ECSCR: variants seen among roughly 807,000 people sequenced by gnomAD.
The protein encoded by ECSCR is endothelial cell-specific chemotaxis regulator.
Under a neutral mutation model 16.7 loss-of-function variants are expected in ECSCR, and 12 were observed. The ratio of observed to expected loss-of-function variants is 0.72; its 90% confidence interval spans 0.46 to 1.17. ECSCR has a LOEUF of 1.17. Among genes scored for constraint, ECSCR ranks in the 50% most tolerant of loss-of-function variants. The pLI, the probability that ECSCR is intolerant of heterozygous loss-of-function variation, is 0.00. For synonymous variants in ECSCR, 44 were observed against 42.2 expected, an observed-to-expected ratio of 1.04 and a Z score of -0.17; for missense variants, 122 against 116.1, an observed-to-expected ratio of 1.05 and a Z score of -0.23.
Position 139,462,688 on chromosome 5 carries a change from C to G in ECSCR, c.-18G>C. ...GTGCCCATGTCAGCTGGGTATGTGG[C>G]GGGCAGGCAGCAGCTCAGTGGAGGC... On this transcript the variant is annotated 5_prime_UTR_variant, in exon 1 of 10. Coordinates refer to ENST00000618155, the MANE Select transcript of ECSCR (RefSeq NM_001077693.4). The G allele has an allele frequency of 7.5e-7, 1 of 1,327,534 alleles. No individual in the cohort carries two copies. The highest frequency in any genetic ancestry group is 5.1e-5 in the East Asian group (1 of 19,684). 82.2% of individuals were successfully genotyped at this position (1,327,534 alleles called of 1,614,324 possible).
intron 1 of ECSCR, 132 bp from the exon 2 acceptor site, chr5:139,458,315 GTTTTGTTTTGTT>G: frequency 1.4e-6 from 1 of 712,828 alleles, no homozygotes; most frequent in South Asian, 2.1e-5. Context: ...AAAAAATTTT[GTTTTGTTTTGTT>G]TTTTTTTTTT....
chr5:139,456,615 C>T, intron 4 of ECSCR, 97 bp from the exon 5 acceptor site: 2 of 397,186 alleles, frequency 5.0e-6, no homozygotes, highest in Non-Finnish European at 8.9e-6. Context: ...CCTGAGAGGA[C>T]TCTAGCTCTT....
chr5:139,456,915 T>C (rs1751170151), intron 4 of ECSCR, among the ~76,000 whole-genome samples: 1 of 152,220 alleles, frequency 6.6e-6, no homozygotes, highest in Non-Finnish European at 1.5e-5. Flanking sequence ...CAACAAGTCC[T>C]GATGTGTACA....
In ECSCR at chr5:139,450,478, TAAA is replaced by T. The variant is rs377766547; in HGVS notation, c.513-1307_513-1305del. 3.9e-3 allele frequency among the ~76,000 whole-genome samples: 499 copies of T among 126,722 alleles called. 1 individual carries two copies. Among genetic ancestry groups the T allele is most frequent in the Middle Eastern group, 8.7e-3 (2 of 230 alleles). The allele number at this position is 126,722 out of a possible 152,430, so 83.1% of individuals were successfully genotyped here. On this transcript the variant is annotated intron_variant, in intron 8 of 9. Transcript: ENST00000618155. The stretch of plus-strand genomic sequence containing the variant: ...TGGGCAACAGAGCAAGCCTGTCCCT[TAAA>T]AAAAAAAAAAAAAAGGCTGGGCATG...
chr5:139,455,269 T>C (rs1238776288), intron 6 of ECSCR, 54 bp downstream of exon 6: 398,224 of 398,228 alleles, frequency 1, 199,110 homozygotes, highest in Non-Finnish European at 1. Context: ...GAGTCCAAGT[T>C]AATTCCAGGG....
At chr5:139,462,235 A>C (rs1751321383) in intron 1 of ECSCR, among the ~76,000 whole-genome samples, 1 of 152,160 alleles carries the variant, frequency 6.6e-6, no homozygotes, top group Non-Finnish European at 1.5e-5. Flanking sequence ...AACAGTTGAG[A>C]GAGTGGCCGT....
In ECSCR at chr5:139,449,177, G is replaced by A. The variant is rs1396724018; in HGVS notation, c.513-3C>T. On this transcript the variant is annotated splice_region_variant and splice_polypyrimidine_tract_variant and intron_variant, in intron 8 of 9. Transcript: ENST00000618155. ...TCTCTCCATTGGCTGTGGAGCAGCT[G>A]GGGGAGGAAGGGGGTCTGGGTTAAA... 10 of 1,536,026 alleles carry A rather than the reference G, an allele frequency of 6.5e-6. No homozygotes were observed. In the South Asian group the frequency reaches 8.3e-5, roughly 13 times the overall value.
intron 4 of ECSCR, among the ~76,000 whole-genome samples, chr5:139,457,234 T>A (rs1751178610): frequency 1.3e-5 from 2 of 152,130 alleles, no homozygotes; most frequent in Admixed American, 6.5e-5. Flanking sequence ...CCACCTGGAA[T>A]AAGCCCCACT....
chr5:139,457,499 ACTGGGCCCTCC>A, intron 4 of ECSCR, 35 bp downstream of exon 4: 2 of 780,754 alleles, frequency 2.6e-6, no homozygotes. Context: ...TGGGGTCCTC[ACTGGGCCCTCC>A]CTGGATGGCA....
intron 8 of ECSCR, among the ~76,000 whole-genome samples, chr5:139,452,520 GTATAGTA>G (rs2152088618): frequency 1.3e-5 from 2 of 148,368 alleles, no homozygotes; most frequent in East Asian, 2.1e-4. Context: ...GGGGAGGTAT[GTATAGTA>G]TGGAGTGTGT....
In ECSCR at chr5:139,454,279, A is replaced by G. The variant is rs1321364359; in HGVS notation, c.512+323T>C. Among the ~76,000 whole-genome samples, 11 of 117,538 alleles carry G rather than the reference A, an allele frequency of 9.4e-5. No individual in the cohort carries two copies. In the South Asian group the frequency reaches 2.6e-3, roughly 28 times the overall value. The allele number at this position is 117,538 out of a possible 152,430, so 77.1% of individuals were successfully genotyped here. A position where few individuals can be genotyped will look rare whatever the true frequency, so the allele number is the denominator to read the frequency against. On this transcript the variant is annotated intron_variant, in intron 8 of 9. Transcript: ENST00000618155. ...ATGTGCGTCTAGTGGGGTGTGTGGT[A>G]TGTGGTGTGTTTGAGGTGTGTGGGA...
rs1486476908 is a variant in ECSCR, at chr5:139,449,036, A to T, written c.609+42T>A. On this transcript the variant is annotated intron_variant, in intron 9 of 9. Transcript: ENST00000618155. ...CCTGAAAGTAGGAGGAGGAAGGGAA[A>T]GGTGAATTTGGGGAAGGAAGGCAGG... 5.9e-6 allele frequency: 9 copies of T among 1,532,676 alleles called. No individual in the cohort carries two copies. In the Middle Eastern group the frequency reaches 5.0e-4, roughly 85 times the overall value. The allele number at this position is 1,532,676 out of a possible 1,614,324, so 94.9% of individuals were successfully genotyped here.
chr5:139,458,248 A>G lies in ECSCR; in HGVS notation c.62-65T>C, dbSNP rs1279661963. ...TGCCCAGCACAGAGCCTAGAAAGGA[A>G]CCCTTAGAATGCCTTCTGGCCCAGC... On this transcript the variant is annotated intron_variant, in intron 1 of 9. Transcript: ENST00000618155. 22 of 1,484,808 alleles carry G rather than the reference A, an allele frequency of 1.5e-5. No homozygotes were observed. The East Asian group carries it at 4.7e-4, about 32-fold the overall frequency. The allele number at this position is 1,484,808 out of a possible 1,614,324, so 92.0% of individuals were successfully genotyped here. A position where few individuals can be genotyped will look rare whatever the true frequency, so the allele number is the denominator to read the frequency against.
chr5:139,456,214 G>C (rs947290110), intron 5 of ECSCR, among the ~76,000 whole-genome samples: 5 of 152,144 alleles, frequency 3.3e-5, no homozygotes, highest in Non-Finnish European at 7.3e-5. Context: ...AGAGAGCCGG[G>C]ATCGCACCGC....
At chr5:139,449,747 G>T (rs1338203338) in intron 8 of ECSCR, among the ~76,000 whole-genome samples, 1 of 151,654 alleles carries the variant, frequency 6.6e-6, no homozygotes, top group Non-Finnish European at 1.5e-5. Flanking sequence ...TTATTGAGAG[G>T]GTCTTGCTCT....
chr5:139,450,516 G>A (rs1301053162), intron 8 of ECSCR, among the ~76,000 whole-genome samples: 5 of 146,352 alleles, frequency 3.4e-5, no homozygotes, highest in Non-Finnish European at 7.5e-5. Context: ...GGTGGCTCAT[G>A]CCTGTAATCC....
At chr5:139,456,035 T>C (rs1751151869) in intron 5 of ECSCR, among the ~76,000 whole-genome samples, 1 of 151,962 alleles carries the variant, frequency 6.6e-6, no homozygotes, top group Non-Finnish European at 1.5e-5. Flanking sequence ...GGCAGGAGAA[T>C]CTCTTGAACC....
At chr5:139,452,065 T>G (rs1465238696) in intron 8 of ECSCR, among the ~76,000 whole-genome samples, 19 of 141,774 alleles carry the variant, frequency 1.3e-4, no homozygotes, top group Admixed American at 9.9e-4. Flanking sequence ...TATGTGGGGG[T>G]GTGTGTATAG....
intron 5 of ECSCR, among the ~76,000 whole-genome samples, chr5:139,455,895 G>A (rs928478687): frequency 2.6e-5 from 4 of 151,326 alleles, no homozygotes; most frequent in African/African-American, 4.9e-5. Context: ...AGGCCGAGGC[G>A]GGCAGATCAT....
Sources: gnomAD v4.1 joint callset for allele counts (sites outside exome capture counted in the v4.1 genomes callset) on GRCh38, gnomAD v4.1.1 for gene constraint, MANE v1.5 for transcripts, NCBI Gene and HGNC (gene_info 2026-07-23, HGNC 2026-07-21) for gene names.